The following IL6R variants were observed in gnomAD, a reference collection of about 807,000 sequenced individuals.
The protein encoded by IL6R is interleukin-6 receptor subunit alpha.
IL6R carries 38 observed loss-of-function variants against 48.3 expected under a neutral mutation model. The ratio of observed to expected loss-of-function variants is 0.79; its 90% CI spans 0.61 to 1.03. IL6R has a LOEUF of 1.03. IL6R is among the 50% of genes least tolerant of loss of function. IL6R has a pLI of 0.00. For synonymous variants in IL6R, 264 were observed against 256.2 expected (o/e 1.03, Z -0.29); for missense variants, 534 against 618.3 (o/e 0.86, Z 1.45).
chr1:154,452,836 G>A (rs942949208), intron 8 of IL6R, among the ~76,000 whole-genome samples: 24 of 151,440 alleles, frequency 1.6e-4, no homozygotes, highest in Admixed American at 1.1e-3. Context: ...TCATTTGTCT[G>A]TCTCCCTTGA....
intron 6 of IL6R, among the ~76,000 whole-genome samples, chr1:154,436,639 G>C (rs1271424233): frequency 6.6e-6 from 1 of 152,168 alleles, no homozygotes; most frequent in Non-Finnish European, 1.5e-5. Flanking sequence ...CATGTCTGAC[G>C]ATGGTGCTGG....
At chr1:154,437,962 C>T (rs1233129524) in intron 6 of IL6R, among the ~76,000 whole-genome samples, 1 of 151,954 alleles carries the variant, frequency 6.6e-6, no homozygotes, top group African/African-American at 2.4e-5. Flanking sequence ...GATCCACCCG[C>T]CTCGCCCTCC....
rs1444147740 is a variant in IL6R, at chr1:154,469,311, A to G, written c.*3931A>G. Reference sequence around the variant, plus strand: ...AAGTTTTTGTTTGTTTGTTTTACCTAATTACCTGAAAGCAAATACCAAAGG... The same window carrying G: ...AAGTTTTTGTTTGTTTGTTTTACCTGATTACCTGAAAGCAAATACCAAAGG... On this transcript the variant is annotated 3_prime_UTR_variant, in exon 10 of 10. Coordinates refer to ENST00000368485, the MANE Select transcript of IL6R (RefSeq NM_000565.4). 6.6e-6 allele frequency: 1 copy of G among 152,180 alleles called. No individual in the cohort carries two copies. The highest frequency in any genetic ancestry group is 1.5e-5 in the Non-Finnish European group (1 of 68,034). The allele number at this position is 152,180 out of a possible 1,614,324, so 9.4% of individuals were successfully genotyped here.
Position 154,405,629 on chromosome 1 carries a change from C to T in IL6R, c.-1C>T. ...CATGGAGTGGTAGCCGAGGAGGAAG[C>T]ATGCTGGCCGTCGGCTGCGCGCTGC... On this transcript the variant is annotated 5_prime_UTR_variant, in exon 1 of 10. Transcript: ENST00000368485. This position sits in a 1 kb window ranked among gnomAD's most constrained non-coding sequence, Gnocchi z 5.2. 1 of 1,532,358 alleles carries T rather than the reference C, an allele frequency of 6.5e-7. No homozygotes were observed. Among genetic ancestry groups the T allele is most frequent in the Non-Finnish European group, 8.7e-7 (1 of 1,146,938 alleles). 94.9% of individuals were successfully genotyped at this position (1,532,358 alleles called of 1,614,324 possible). A position where few individuals can be genotyped will look rare whatever the true frequency, so the allele number is the denominator to read the frequency against.
chr1:154,449,600 C>A (rs992018504), intron 7 of IL6R, among the ~76,000 whole-genome samples: 1 of 152,192 alleles, frequency 6.6e-6, no homozygotes, highest in Non-Finnish European at 1.5e-5. Flanking sequence ...ATGGTAGTAC[C>A]TGCATCCTTG....
intron 1 of IL6R, among the ~76,000 whole-genome samples, chr1:154,415,974 AT>A (rs1382561075): frequency 3.9e-5 from 6 of 152,232 alleles, no homozygotes; most frequent in Non-Finnish European, 5.9e-5. Flanking sequence ...TCAAAAAAAA[AT>A]AAAATAAAAT....
At position 154,465,367 on chromosome 1, in the gene IL6R, T is replaced by A. The variant is rs765750844; in HGVS notation, c.1394T>A (p.Phe465Tyr). Residue 465 changes from phenylalanine (F) to tyrosine (Y), a missense_variant, in exon 10 of 10, where the codon TTC (phenylalanine) becomes TAC (tyrosine). Transcript: ENST00000368485. Reference sequence around the variant, plus strand: ...TATGACATCAGCAATACAGACTACTTCTTCCCCAGATAGCTGGCTGGGTGG... The same window carrying A: ...TATGACATCAGCAATACAGACTACTACTTCCCCAGATAGCTGGCTGGGTGG... The part of the protein sequence containing the change: ...SPYDISNTDY[F>Y]FPR 3.0e-5 allele frequency: 48 copies of A among 1,613,994 alleles called. No homozygotes were observed. The highest frequency in any genetic ancestry group is 3.9e-5 in the Non-Finnish European group (46 of 1,180,022).
chr1:154,451,694 G>A (rs974601711), intron 8 of IL6R, among the ~76,000 whole-genome samples: 3 of 151,488 alleles, frequency 2.0e-5, no homozygotes, highest in Non-Finnish European at 4.4e-5. Context: ...GCACCACCAC[G>A]CCTGGCTAAT....
intron 6 of IL6R, among the ~76,000 whole-genome samples, chr1:154,447,839 C>T (rs1055435888): frequency 4.6e-5 from 7 of 151,868 alleles, no homozygotes; most frequent in African/African-American, 7.3e-5. Flanking sequence ...CTCAGCCTCC[C>T]GAGTAGCTGG....
chr1:154,405,740 G>T lies in IL6R; in HGVS notation c.85+26G>T. The T allele has an allele frequency of 7.0e-7, 1 of 1,426,472 alleles. No individual in the cohort carries two copies. Among genetic ancestry groups the T allele is most frequent in the Non-Finnish European group, 9.1e-7 (1 of 1,094,686 alleles). 88.4% of individuals were successfully genotyped at this position (1,426,472 alleles called of 1,614,324 possible). ...GTAAGGGCTTCGGGCGCACCTGGAG[G>T]GCTGGGGCAGCTAGCGGCTGGGGGA... On this transcript the variant is annotated intron_variant, in intron 1 of 9. Coordinates refer to ENST00000368485, the MANE Select transcript of IL6R (RefSeq NM_000565.4). The surrounding 1 kb of genome is among the most constrained non-coding windows in gnomAD (Gnocchi z 5.2).
At chr1:154,417,880 A>G (rs1021853371) in intron 1 of IL6R, among the ~76,000 whole-genome samples, 1 of 151,454 alleles carries the variant, frequency 6.6e-6, no homozygotes, top group Non-Finnish European at 1.5e-5. Flanking sequence ...GATTACAGGC[A>G]CCCGCCACCA....
intron 8 of IL6R, among the ~76,000 whole-genome samples, chr1:154,452,800 G>A (rs1214588152): frequency 2.0e-5 from 3 of 148,840 alleles, no homozygotes; most frequent in Admixed American, 2.0e-4. Flanking sequence ...CACTGAGCAA[G>A]ACTCCGTCTC....
intron 8 of IL6R, chr1:154,454,214 T>A (rs991668362): frequency 1.9e-5 from 9 of 483,890 alleles, no homozygotes; most frequent in Non-Finnish European, 7.5e-6. Context: ...TCAGAAACCC[T>A]GAGCTTGAGG....
chr1:154,413,995 T>C (rs1688188485), intron 1 of IL6R, among the ~76,000 whole-genome samples: 1 of 151,886 alleles, frequency 6.6e-6, no homozygotes, highest in Admixed American at 6.6e-5. Flanking sequence ...ATTGGGGCTT[T>C]TACAGGTGCA....
At chr1:154,462,030 G>A (rs1434439823) in intron 9 of IL6R, among the ~76,000 whole-genome samples, 1 of 152,166 alleles carries the variant, frequency 6.6e-6, no homozygotes. Flanking sequence ...AAACAACGGG[G>A]ATGCAGATGG....
intron 1 of IL6R, among the ~76,000 whole-genome samples, chr1:154,420,511 TTTTA>T (rs372431155): frequency 1.8e-4 from 26 of 147,874 alleles, no homozygotes; most frequent in African/African-American, 5.8e-4. Flanking sequence ...CTTTATTTTA[TTTTA>T]TTTATTTATT....
intron 6 of IL6R, among the ~76,000 whole-genome samples, chr1:154,439,579 T>C (rs1028069717): frequency 7.2e-5 from 11 of 152,200 alleles, no homozygotes; most frequent in Non-Finnish European, 1.3e-4. Flanking sequence ...CCTCCCAAAG[T>C]GCTGGGATTA....
chr1:154,439,759 C>T (rs1558318227), intron 6 of IL6R, among the ~76,000 whole-genome samples: 1 of 152,196 alleles, frequency 6.6e-6, no homozygotes, highest in African/African-American at 2.4e-5. Flanking sequence ...TCACCCACTC[C>T]TTCCCCCAGC....
intron 3 of IL6R, among the ~76,000 whole-genome samples, chr1:154,431,179 GGGCTCTGCATCATCACCGGAAGAC>G (rs1689274701): frequency 6.6e-6 from 1 of 152,164 alleles, no homozygotes; most frequent in Middle Eastern, 3.2e-3. Context: ...GCCTGCCTGG[GGGCTCTGCATCATCACCGGAAGAC>G]GGCTTAACGT....
Sources: allele counts gnomAD v4.1 joint callset (sites outside exome capture counted in the v4.1 genomes callset), GRCh38; gene constraint gnomAD v4.1.1; non-coding constraint Gnocchi (gnomAD v3.1); transcripts MANE v1.5; gene names NCBI Gene and HGNC (gene_info 2026-07-23, HGNC 2026-07-21).